Variants in STXBP5L observed in about 807,000 individuals in gnomAD.
STXBP5L encodes the protein syntaxin binding protein 5L.
In STXBP5L, 65 loss-of-function variants were observed where a neutral mutation model predicts 144.5. The observed-to-expected ratio is 0.45, with a 90% CI of 0.37 to 0.55. The LOEUF is 0.55. Ranked by LOEUF, STXBP5L falls within the 20% of genes least tolerant of loss-of-function variation. The pLI is 0.00. For missense variants in STXBP5L, 1,298 were observed against 1,405.5 expected (o/e 0.92, Z 1.22); for synonymous variants, 505 against 469.6 (o/e 1.08, Z -0.97).
At chr3:121,313,841 G>A (rs889970229) in intron 19 of STXBP5L, among the ~76,000 whole-genome samples, 12 of 143,178 alleles carry the variant, frequency 8.4e-5, no homozygotes, top group South Asian at 2.4e-4. Context: ...CTTCTCAGAC[G>A]GGGCGGTTGC....
chr3:121,372,731 A>G lies in STXBP5L; in HGVS notation c.2177-5985A>G, dbSNP rs541246583. ...CTGATAGGAGTGTGCCAGTCTCCCC[A>G]GTATCCTGGTCTCTTGGTGGGAGAT... On this transcript the variant is annotated intron_variant, in intron 20 of 26. Coordinates refer to ENST00000471454, the MANE Select transcript of STXBP5L (RefSeq NM_001308330.2). Among the ~76,000 whole-genome samples the G allele has an allele frequency of 2.0e-5, 3 of 149,412 alleles. No homozygotes were observed. In the East Asian group the frequency reaches 5.9e-4, roughly 30 times the overall value.
intron 19 of STXBP5L, among the ~76,000 whole-genome samples, chr3:121,313,569 A>AC (rs1262024458): frequency 0.01 from 196 of 19,550 alleles, 13 homozygotes; most frequent in Admixed American, 0.052. Flanking sequence ...CGGGGGGCTG[A>AC]CCCCCCCACC....
At chr3:121,352,996 G>A (rs75815478) in intron 20 of STXBP5L, among the ~76,000 whole-genome samples, 95 of 152,206 alleles carry the variant, frequency 6.2e-4, no homozygotes, top group African/African-American at 1.9e-3. Flanking sequence ...ATTTATTTGC[G>A]TATGTTGAAC....
intron 5 of STXBP5L, among the ~76,000 whole-genome samples, chr3:121,058,758 G>T (rs1948624314): frequency 1.3e-5 from 2 of 152,148 alleles, no homozygotes; most frequent in Non-Finnish European, 1.5e-5. Context: ...ATGTTTGTTG[G>T]CTACATAAAT....
At position 120,973,162 on chromosome 3, in the gene STXBP5L, A is replaced by G. The variant is rs1215125322; in HGVS notation, c.287+18125A>G. Reference sequence around the variant, plus strand: ...AGAACCACCATAAGTTCTTTTTTGTAAATGTGGTATAATTCAGCTGTGAAT... The same window carrying G: ...AGAACCACCATAAGTTCTTTTTTGTGAATGTGGTATAATTCAGCTGTGAAT... On this transcript the variant is annotated intron_variant, in intron 3 of 26. Coordinates refer to ENST00000471454, the MANE Select transcript of STXBP5L (RefSeq NM_001308330.2). 2.0e-5 allele frequency among the ~76,000 whole-genome samples: 3 copies of G among 152,066 alleles called. No individual in the cohort carries two copies. The East Asian group carries it at 5.8e-4, about 29-fold the overall frequency.
At chr3:121,329,954 A>G (rs1234058802) in intron 20 of STXBP5L, among the ~76,000 whole-genome samples, 2 of 152,192 alleles carry the variant, frequency 1.3e-5, no homozygotes, top group Non-Finnish European at 2.9e-5. Flanking sequence ...ATGTAAGACA[A>G]TTGCTTTTCA....
intron 12 of STXBP5L, among the ~76,000 whole-genome samples, chr3:121,238,110 C>T (rs989466794): frequency 6.6e-5 from 10 of 152,104 alleles, no homozygotes; most frequent in African/African-American, 1.2e-4. Flanking sequence ...AGCAACACCG[C>T]GCTCCTTAGT....
chr3:120,924,054 G>T (rs976563553), intron 2 of STXBP5L, among the ~76,000 whole-genome samples: 1 of 152,086 alleles, frequency 6.6e-6, no homozygotes, highest in East Asian at 1.9e-4. Flanking sequence ...TTTCTCCTAC[G>T]TCCCTATCTT....
intron 3 of STXBP5L, among the ~76,000 whole-genome samples, chr3:120,966,506 C>T (rs1490570233): frequency 6.6e-6 from 1 of 152,140 alleles, no homozygotes; most frequent in South Asian, 2.1e-4. Context: ...CTATTCCTTT[C>T]TGTTTGTTAG....
chr3:121,187,599 A>AT (rs1402071440), intron 9 of STXBP5L, among the ~76,000 whole-genome samples: 1 of 72,584 alleles, frequency 1.4e-5, no homozygotes, highest in Non-Finnish European at 2.8e-5. Context: ...ACCATGAATG[A>AT]TAAAAAAAAA....
chr3:121,371,654 T>A (rs567334052), intron 20 of STXBP5L, among the ~76,000 whole-genome samples: 2 of 152,284 alleles, frequency 1.3e-5, no homozygotes, highest in Admixed American at 1.3e-4. Flanking sequence ...GGGGCCCCTG[T>A]AGGCAACTGT....
chr3:121,220,081 T>C (rs1261530202), intron 10 of STXBP5L, among the ~76,000 whole-genome samples: 1 of 152,118 alleles, frequency 6.6e-6, no homozygotes, highest in African/African-American at 2.4e-5. Context: ...ATAAAGAATA[T>C]TTCCATCATT....
chr3:121,000,415 A>G (rs376537388), intron 3 of STXBP5L, among the ~76,000 whole-genome samples: 4 of 152,190 alleles, frequency 2.6e-5, no homozygotes, highest in African/African-American at 7.2e-5. Context: ...TAGTATTTCC[A>G]ATTGAATTAT....
At chr3:121,203,378 G>T (rs1411800879) in intron 9 of STXBP5L, among the ~76,000 whole-genome samples, 1 of 152,000 alleles carries the variant, frequency 6.6e-6, no homozygotes, top group Non-Finnish European at 1.5e-5. Flanking sequence ...AACCTCTACA[G>T]CACTTTATGC....
chr3:121,368,768 T>A (rs934567889), intron 20 of STXBP5L, among the ~76,000 whole-genome samples: 3 of 152,194 alleles, frequency 2.0e-5, no homozygotes, highest in Admixed American at 6.5e-5. Context: ...TGGATATGTG[T>A]GGTCATTTTC....
rs559974232 is a variant in STXBP5L at position 120,928,515 on chromosome 3, C to G, written c.189+18748C>G. On this transcript the variant is annotated intron_variant, in intron 2 of 26. Coordinates refer to ENST00000471454, the MANE Select transcript of STXBP5L (RefSeq NM_001308330.2). ...TGACCTTGTGATCTGCCCTCCTTGGCCTCCCAAAGTGCTGGGATTACAAGT... is the reference window on the plus strand; with the variant it reads ...TGACCTTGTGATCTGCCCTCCTTGGGCTCCCAAAGTGCTGGGATTACAAGT... Among the ~76,000 whole-genome samples the G allele has an allele frequency of 2.4e-3, 364 of 152,256 alleles. 5 individuals are homozygous for G. The highest frequency in any genetic ancestry group is 0.02 in the South Asian group (97 of 4,822).
At chr3:121,045,021 T>C (rs763048158) in intron 4 of STXBP5L, among the ~76,000 whole-genome samples, 22 of 152,278 alleles carry the variant, frequency 1.4e-4, no homozygotes, top group African/African-American at 5.3e-4. Context: ...AGGAGAATTT[T>C]TATATGACCT....
chr3:120,938,948 A>G (rs184168431), intron 2 of STXBP5L, among the ~76,000 whole-genome samples: 2 of 151,782 alleles, frequency 1.3e-5, no homozygotes, highest in East Asian at 3.9e-4. Flanking sequence ...TTCCTGGCTA[A>G]TTTATTTTTA....
chr3:121,311,321 A>G (rs751758000), intron 19 of STXBP5L, among the ~76,000 whole-genome samples: 3 of 152,236 alleles, frequency 2.0e-5, no homozygotes, highest in Non-Finnish European at 4.4e-5. Flanking sequence ...CTATGGAAGT[A>G]TTTAAAGGAA....
Sources: allele counts gnomAD v4.1 joint callset (sites outside exome capture counted in the v4.1 genomes callset), GRCh38; gene constraint gnomAD v4.1.1; transcripts MANE v1.5; gene names NCBI Gene and HGNC (gene_info 2026-07-23, HGNC 2026-07-21).